The following RTN4 variants were observed in gnomAD, a reference collection of about 807,000 sequenced individuals.
RTN4 encodes reticulon 4, also known as reticulon-4.
Under a neutral mutation model 90.4 loss-of-function variants are expected in RTN4, and 32 were observed. The ratio of observed to expected loss-of-function variants is 0.35; its 90% CI spans 0.27 to 0.48. The LOEUF is 0.48. RTN4 is among the 20% of genes least tolerant of loss of function. The pLI is 0.99. For missense variants in RTN4, 1,706 were observed against 1,430.2 expected (o/e 1.19, Z -3.11); for synonymous variants, 629 against 552.5 (o/e 1.14, Z -1.94).
chr2:55,083,913 G>C (rs1668786995), intron 1 of RTN4, among the ~76,000 whole-genome samples: 1 of 152,128 alleles, frequency 6.6e-6, no homozygotes, highest in African/African-American at 2.4e-5. Context: ...TTTGGTCTTT[G>C]ACCCTGGTTC....
In RTN4 at chr2:55,027,392, G is replaced by T; in HGVS notation, c.707C>A (p.Pro236His). 2 of 1,613,730 alleles carry T rather than the reference G, an allele frequency of 1.2e-6. No individual in the cohort carries two copies. Among genetic ancestry groups the T allele is most frequent in the South Asian group, 1.1e-5 (1 of 91,072 alleles). Reference protein sequence around the residue: ...SVLLETAASLPSLSPLSAASF... With the variant: ...SVLLETAASLHSLSPLSAASF... ...AGCGGCTGAGAGAGGAGACAGAGAA[G>T]GAAGAGAAGCAGCAGTTTCAAGCAG... The change falls in exon 3 of 9, where the codon CCT (proline) becomes CAT (histidine). Residue 236 changes from proline (P) to histidine (H), a missense_variant. Pro to His is a moderately conservative substitution (Grantham distance 77, BLOSUM62 -2). Coordinates refer to ENST00000337526, the MANE Select transcript of RTN4 (RefSeq NM_020532.5).
At chr2:55,099,610 A>C (rs1573516746) in intron 1 of RTN4, among the ~76,000 whole-genome samples, 4 of 152,182 alleles carry the variant, frequency 2.6e-5, no homozygotes, top group Admixed American at 2.6e-4. Flanking sequence ...TGGGTTGGCT[A>C]GAGACTGACT....
At chr2:55,055,035 G>T (rs866456472), upstream of RTN4, among the ~76,000 whole-genome samples, 22 of 152,136 alleles carry the variant, frequency 1.4e-4, no homozygotes, top group African/African-American at 4.8e-4. Flanking sequence ...AAATAAAAAT[G>T]TTAAGTCCCA....
At chr2:55,082,166 T>C (rs1327406171) in intron 1 of RTN4, among the ~76,000 whole-genome samples, 2 of 152,164 alleles carry the variant, frequency 1.3e-5, no homozygotes, top group Admixed American at 6.5e-5. Flanking sequence ...TAACTGGCTA[T>C]ACCACTTCCA....
At chr2:55,047,111 G>C (rs894194175) in intron 1 of RTN4, among the ~76,000 whole-genome samples, 1 of 152,114 alleles carries the variant, frequency 6.6e-6, no homozygotes, top group African/African-American at 2.4e-5. Context: ...TGGATCACTG[G>C]AGGTCAGGAG....
Position 54,987,577 on chromosome 2 carries a change from C to G in RTN4, c.3135G>C (p.Leu1045Phe). 1 of 1,614,138 alleles carries G rather than the reference C, an allele frequency of 6.2e-7. No homozygotes were observed. Among genetic ancestry groups the G allele is most frequent in the Non-Finnish European group, 8.5e-7 (1 of 1,180,016 alleles). ...SIVSVTAYIA[L>F]ALLSVTISFR... ...AGCTGATGGTCACAGAGAGCAGGGC[C>G]AAGGCAATGTAGGCTGTTACGCTCA... is the stretch of plus-strand genomic sequence containing the variant. The change falls in exon 4 of 9, where the codon TTG becomes TTC. Residue 1045 changes from leucine (L) to phenylalanine (F), a missense_variant. By Grantham distance (22) the Leu-to-Phe change is conservative. Transcript: ENST00000337526.
At chr2:55,057,166 A>C (rs538842333) in intron 2 of RTN4, among the ~76,000 whole-genome samples, 1 of 152,258 alleles carries the variant, frequency 6.6e-6, no homozygotes, top group African/African-American at 2.4e-5. Flanking sequence ...AGATGAATTT[A>C]CATACCTGAA....
At chr2:54,981,234 G>A (rs1380121192) in intron 5 of RTN4, among the ~76,000 whole-genome samples, 1 of 151,274 alleles carries the variant, frequency 6.6e-6, no homozygotes, top group African/African-American at 2.4e-5. Context: ...GACGCAAACA[G>A]CTGAAAATAA....
intron 2 of RTN4, among the ~76,000 whole-genome samples, chr2:55,065,398 C>T (rs572660716): frequency 6.6e-6 from 1 of 152,080 alleles, no homozygotes; most frequent in Non-Finnish European, 1.5e-5. Flanking sequence ...CATATTAACA[C>T]ATTTAAACCA....
In RTN4 at chr2:55,036,806, T is replaced by C. The variant is rs1011135320; in HGVS notation, c.557-8586A>G. 8.5e-5 allele frequency among the ~76,000 whole-genome samples: 13 copies of C among 152,106 alleles called. 2 individuals carry two copies. The East Asian group carries it at 1.9e-3, about 23-fold the overall frequency. ...GGAATAGAAGGAAGCTTTCTCAACC[T>C]AAGAGTCAGGATATCTAGGAAAAAT... On this transcript the variant is annotated intron_variant, in intron 1 of 8. Coordinates refer to ENST00000337526, the MANE Select transcript of RTN4 (RefSeq NM_020532.5).
chr2:55,018,144 C>T (rs983896641), intron 3 of RTN4, among the ~76,000 whole-genome samples: 1 of 152,180 alleles, frequency 6.6e-6, no homozygotes, highest in African/African-American at 2.4e-5. Context: ...ATTTTATCAT[C>T]TATAAAATGG....
At chr2:55,049,241 G>A (rs951486042) in intron 1 of RTN4, 21 of 907,962 alleles carry the variant, frequency 2.3e-5, no homozygotes, top group South Asian at 4.9e-5. Context: ...CAGCCAGGAG[G>A]TGAGGAGGGA....
At chr2:55,052,733 A>G (rs2104992218), upstream of RTN4, among the ~76,000 whole-genome samples, 1 of 152,330 alleles carries the variant, frequency 6.6e-6, no homozygotes, top group African/African-American at 2.4e-5. Flanking sequence ...TTTTCAACCA[A>G]TTGCATAAAC....
upstream of RTN4, among the ~76,000 whole-genome samples, chr2:55,113,684 T>A (rs565983541): frequency 6.6e-6 from 1 of 152,218 alleles, no homozygotes; most frequent in African/African-American, 2.4e-5. Context: ...ACCCACATCA[T>A]CCCAACTCTA....
intron 2 of RTN4, among the ~76,000 whole-genome samples, chr2:55,062,954 G>A (rs1668327084): frequency 6.6e-6 from 1 of 152,280 alleles, no homozygotes; most frequent in Non-Finnish European, 1.5e-5. Context: ...CATGATGGCT[G>A]GAACTGGGGC....
intron 1 of RTN4, chr2:55,046,823 A>C (rs1452168343): frequency 6.6e-6 from 1 of 152,218 alleles, no homozygotes; most frequent in Admixed American, 6.5e-5. Flanking sequence ...TACTAAAAAA[A>C]CTAAAGTTTC....
chr2:55,022,024 T>A (rs1385823134), intron 3 of RTN4, among the ~76,000 whole-genome samples: 1 of 152,222 alleles, frequency 6.6e-6, no homozygotes, highest in Admixed American at 6.5e-5. Context: ...ACCATTCCCA[T>A]TAAGCTTTCA....
chr2:55,099,280 T>C (rs1667808739), intron 1 of RTN4, among the ~76,000 whole-genome samples: 1 of 152,154 alleles, frequency 6.6e-6, no homozygotes, highest in Admixed American at 6.5e-5. Context: ...ACCAGTTTTT[T>C]GAGCATCATT....
the RTN4 span, among the ~76,000 whole-genome samples, chr2:55,123,291 A>G: frequency 6.6e-6 from 1 of 152,206 alleles, no homozygotes; most frequent in Non-Finnish European, 1.5e-5. Context: ...TGTCACTCAT[A>G]AATTTATATT....
Sources: gnomAD v4.1 joint callset for allele counts (sites outside exome capture counted in the v4.1 genomes callset) on GRCh38, gnomAD v4.1.1 for gene constraint, MANE v1.5 for transcripts, NCBI Gene and HGNC (gene_info 2026-07-23, HGNC 2026-07-21) for gene names.